BRCA2: variants seen among roughly 807,000 people sequenced by gnomAD.
The protein encoded by BRCA2 is breast cancer type 2 susceptibility protein.
In BRCA2, 203 loss-of-function variants were observed where a neutral mutation model predicts 276.7. That is an observed-to-expected ratio of 0.73 (90% CI 0.65 to 0.82). The LOEUF (loss-of-function observed/expected upper bound fraction) is 0.82, where lower values mean the gene tolerates loss of function less well. Ranked by LOEUF, BRCA2 falls within the 40% of genes least tolerant of loss-of-function variation. The probability of loss-of-function intolerance (pLI) is 0.00; values close to 1 mark genes in which losing one functional copy is unlikely to be tolerated. For missense variants in BRCA2, 3,920 were observed against 3,915.0 expected, an observed-to-expected ratio of 1.00 and a Z score of -0.03; for synonymous variants, 1,289 against 1,338.4, an observed-to-expected ratio of 0.96 and a Z score of 0.81.
chr13:32,373,175 A>G (rs1037791795), intron 20 of BRCA2, among the ~76,000 whole-genome samples: 11 of 151,618 alleles, frequency 7.3e-5, no homozygotes, highest in Admixed American at 2.0e-4. Context: ...TATTTTTAGT[A>G]GAGATGGGGT....
Position 32,332,968 on chromosome 13 carries a change from C to G in BRCA2, c.1490C>G (p.Ser497Ter), listed in dbSNP as rs1064794018. 1 of 1,598,630 alleles carries G rather than the reference C, an allele frequency of 6.3e-7. No homozygotes were observed. Among genetic ancestry groups the G allele is most frequent in the Non-Finnish European group, 8.5e-7 (1 of 1,176,344 alleles). Residue 497 changes from serine to a stop codon, truncating the protein, a stop_gained, in exon 10 of 27, where the codon TCA (serine) becomes TGA (stop). Transcript: ENST00000380152. LOFTEE classifies it high-confidence loss of function. The stretch of plus-strand genomic sequence containing the variant: ...TCTGGAACTTCTCCAGTGGCTTCTT[C>G]ATTTCAGGGTATCAAAAAGTCTATA... ...AISGTSPVAS[S>*]FQGIKKSIFR...
rs397507422 is a variant in BRCA2, at chr13:32,380,123, CG to C, written c.9235del (p.Val3079PhefsTer4). ...CSEVDLIGFV[V>X]SVVKKTGLAP... ...CTGAGGTGGACCTAATAGGATTTGT[CG>C]TTTCTGTTGTGAAAAAAACAGGTAA... is the stretch of plus-strand genomic sequence containing the variant. On this transcript the variant is annotated frameshift_variant, in exon 24 of 27. Transcript: ENST00000380152. LOFTEE classifies it high-confidence loss of function. The C allele has an allele frequency of 6.8e-6, 11 of 1,613,428 alleles. No individual in the cohort carries two copies. In the Admixed American group the frequency reaches 1.8e-4, roughly 27 times the overall value.
rs1253377038 is a variant in BRCA2 at position 32,320,131 on chromosome 13, T to G, written c.316+806T>G. Among the ~76,000 whole-genome samples the G allele has an allele frequency of 2.0e-5, 3 of 152,338 alleles. No homozygotes were observed. The East Asian group carries it at 5.8e-4, about 29-fold the overall frequency. ...GCAAGTAATTCAGGTTGGCTTTGGTTGTTTTGTGTCTGAAAGGGACCAATA... is the reference window on the plus strand; with the variant it reads ...GCAAGTAATTCAGGTTGGCTTTGGTGGTTTTGTGTCTGAAAGGGACCAATA... On this transcript the variant is annotated intron_variant, in intron 3 of 26. Transcript: ENST00000380152.
intron 24 of BRCA2, among the ~76,000 whole-genome samples, chr13:32,388,901 T>C (rs2137642084): frequency 6.6e-6 from 1 of 152,330 alleles, no homozygotes; most frequent in South Asian, 2.1e-4. Flanking sequence ...ACAATGAAGG[T>C]AATTATTGAT....
chr13:32,316,416 T>C lies in BRCA2; in HGVS notation c.-39-6T>C, dbSNP rs759888980. 1 of 1,558,926 alleles carries C rather than the reference T, an allele frequency of 6.4e-7. No homozygotes were observed. On this transcript the variant is annotated splice_region_variant and splice_polypyrimidine_tract_variant and intron_variant, in intron 1 of 26. Coordinates refer to ENST00000380152, the MANE Select transcript of BRCA2 (RefSeq NM_000059.4). ...TGTAAGTGCATTTTGGTCTTCTGTT[T>C]TGCAGACTTATTTACCAAGCATTGG...
chr13:32,336,464 C>T lies in BRCA2; in HGVS notation c.2109C>T (p.Thr703=), dbSNP rs762499878. The change falls in exon 11 of 27, where the codon ACC becomes ACT. Residue 703 remains threonine, a synonymous_variant. Transcript: ENST00000380152. ...AGGAAAAACTACAGTTATTTATTACCCCAGAAGCTGATTCTCTGTCATGCC... is the reference window on the plus strand; with the variant it reads ...AGGAAAAACTACAGTTATTTATTACTCCAGAAGCTGATTCTCTGTCATGCC... The part of the protein sequence containing the change: ...CNKEKLQLFI[T]PEADSLSCLQ... 1.1e-5 allele frequency: 17 copies of T among 1,613,614 alleles called. No individual in the cohort carries two copies. The African/African-American group carries it at 2.0e-4, about 19-fold the overall frequency.
intron 3 of BRCA2, among the ~76,000 whole-genome samples, chr13:32,321,196 G>A (rs1342669259): frequency 6.6e-6 from 1 of 152,212 alleles, no homozygotes; most frequent in African/African-American, 2.4e-5. Context: ...AGTAGTAACA[G>A]TCATAGAAAT....
Position 32,333,206 on chromosome 13 carries a change from T to A in BRCA2, c.1728T>A (p.Asn576Lys), listed in dbSNP as rs1555282035. Reference sequence around the variant, plus strand: ...CACAGAATTCTGTAGCTTTGAAGAATGCAGGTTTAATATCCACTTTGAAAA... The same window carrying A: ...CACAGAATTCTGTAGCTTTGAAGAAAGCAGGTTTAATATCCACTTTGAAAA... ...TTTQNSVALK[N>K]AGLISTLKKK... The change falls in exon 10 of 27, where the codon AAT (asparagine) becomes AAA (lysine). Residue 576 changes from asparagine to lysine, a missense_variant. By Grantham distance (94) the Asn-to-Lys change is moderately conservative. This residue lies in a region of BRCA2 where 3,263 missense variants were observed against 3,156.9 expected (regional missense o/e 1.03). Transcript: ENST00000380152. 3.1e-6 allele frequency: 5 copies of A among 1,613,700 alleles called. No individual in the cohort carries two copies. Among genetic ancestry groups the A allele is most frequent in the Non-Finnish European group, 4.2e-6 (5 of 1,179,702 alleles).
At chr13:32,322,467 G>GCTTC (rs2072312489) in intron 3 of BRCA2, among the ~76,000 whole-genome samples, 1 of 152,174 alleles carries the variant, frequency 6.6e-6, no homozygotes, top group Non-Finnish European at 1.5e-5. Context: ...GGGAAATAAA[G>GCTTC]GGCTGGGCCG....
At chr13:32,361,400 TGAA>T (rs2072736566) in intron 16 of BRCA2, among the ~76,000 whole-genome samples, 1 of 152,128 alleles carries the variant, frequency 6.6e-6, no homozygotes, top group Non-Finnish European at 1.5e-5. Flanking sequence ...AAAGAGCAGT[TGAA>T]GAGGAGGAAT....
In BRCA2 at chr13:32,356,615, T is replaced by A. The variant is rs2137563744; in HGVS notation, c.7617+6T>A. 1 of 1,613,772 alleles carries A rather than the reference T, an allele frequency of 6.2e-7. No homozygotes were observed. Among genetic ancestry groups the A allele is most frequent in the Non-Finnish European group, 8.5e-7 (1 of 1,179,660 alleles). On this transcript the variant is annotated splice_donor_region_variant and intron_variant, in intron 15 of 26. Coordinates refer to ENST00000380152, the MANE Select transcript of BRCA2 (RefSeq NM_000059.4). ...CTGCGTGTTCTCATAAACAGGTATG[T>A]GTTTGTCTACAATACTGATGGCTTT...
intron 18 of BRCA2, among the ~76,000 whole-genome samples, chr13:32,368,103 T>C (rs1024729595): frequency 7.6e-6 from 1 of 131,534 alleles, no homozygotes; most frequent in Non-Finnish European, 1.6e-5. Flanking sequence ...CACTGCAACC[T>C]CTGCCTCCTG....
At chr13:32,360,544 G>T (rs1397537169) in intron 16 of BRCA2, among the ~76,000 whole-genome samples, 3 of 152,176 alleles carry the variant, frequency 2.0e-5, no homozygotes, top group Non-Finnish European at 4.4e-5. Flanking sequence ...GTTTTTAGTA[G>T]AGACAGGGTT....
rs730881549 is a variant in BRCA2 at position 32,341,127 on chromosome 13, G to A, written c.6772G>A (p.Glu2258Lys). The A allele has an allele frequency of 7.4e-6, 12 of 1,613,742 alleles. No individual in the cohort carries two copies. The highest frequency in any genetic ancestry group is 3.3e-5 in the South Asian group (3 of 91,070). ...HATHSLFTCP[E>K]NEEMVLSNSR... ...CACACATTCTCTTTTTACATGTCCC[G>A]AAAATGAGGAAATGGTTTTGTCAAA... The change falls in exon 11 of 27, where the codon GAA becomes AAA. Residue 2258 changes from glutamate (E) to lysine (K), a missense_variant. This residue lies in a region of BRCA2 where 3,263 missense variants were observed against 3,156.9 expected (regional missense o/e 1.03). Coordinates refer to ENST00000380152, the MANE Select transcript of BRCA2 (RefSeq NM_000059.4).
chr13:32,353,406 G>A (rs2072665410), intron 13 of BRCA2, among the ~76,000 whole-genome samples: 1 of 152,146 alleles, frequency 6.6e-6, no homozygotes, highest in African/African-American at 2.4e-5. Flanking sequence ...TTAAACATAA[G>A]ACAGATTATG....
intron 20 of BRCA2, among the ~76,000 whole-genome samples, chr13:32,373,500 T>A (rs1566250211): frequency 6.6e-6 from 1 of 151,744 alleles, no homozygotes; most frequent in Non-Finnish European, 1.5e-5. Context: ...AGCAAGACTC[T>A]GTCTCAAAAA....
intron 1 of BRCA2, among the ~76,000 whole-genome samples, chr13:32,316,168 T>C (rs2072256942): frequency 6.6e-6 from 1 of 152,182 alleles, no homozygotes; most frequent in African/African-American, 2.4e-5. Flanking sequence ...GTTAGCGTGA[T>C]TGAAACTAAA....
At chr13:32,375,786 C>T (rs530018307) in intron 20 of BRCA2, among the ~76,000 whole-genome samples, 6 of 152,162 alleles carry the variant, frequency 3.9e-5, no homozygotes, top group South Asian at 2.1e-4. Flanking sequence ...TCACGAACTC[C>T]GGACCTCAGG....
At chr13:32,348,922 A>G (rs1411139076) in intron 13 of BRCA2, among the ~76,000 whole-genome samples, 1 of 152,220 alleles carries the variant, frequency 6.6e-6, no homozygotes, top group African/African-American at 2.4e-5. Context: ...GAAACTTCTT[A>G]GTAAAGATGG....
Sources: allele counts gnomAD v4.1 joint callset (sites outside exome capture counted in the v4.1 genomes callset), GRCh38; gene constraint gnomAD v4.1.1; regional missense constraint gnomAD v4.1.1; transcripts MANE v1.5; gene names NCBI Gene and HGNC (gene_info 2026-07-23, HGNC 2026-07-21).